FNDC3A: variants seen among roughly 807,000 people sequenced by gnomAD.
FNDC3A encodes the protein fibronectin type-III domain-containing protein 3A.
Under a neutral mutation model 148.9 loss-of-function variants are expected in FNDC3A, and 32 were observed. The observed-to-expected ratio is 0.21, with a 90% CI of 0.16 to 0.29. FNDC3A has a LOEUF of 0.29. Among genes scored for constraint, FNDC3A ranks in the 10% least tolerant of loss-of-function variants. FNDC3A has a pLI of 1.00. For synonymous variants in FNDC3A, 472 were observed against 473.6 expected (o/e 1.00, Z 0.04); for missense variants, 1,191 against 1,452.8 (o/e 0.82, Z 2.93).
chr13:48,985,239 A>G (rs935535867), intron 1 of FNDC3A, among the ~76,000 whole-genome samples: 4 of 152,222 alleles, frequency 2.6e-5, no homozygotes, highest in African/African-American at 4.8e-5. Flanking sequence ...GAATGTAAGC[A>G]GGAAATTTAT....
intron 2 of FNDC3A, among the ~76,000 whole-genome samples, chr13:49,074,384 CT>C (rs1877953165): frequency 6.6e-6 from 1 of 152,024 alleles, no homozygotes; most frequent in South Asian, 2.1e-4. Flanking sequence ...TAGTAAAACT[CT>C]TTTAAAAAGC....
At chr13:49,053,713 T>C (rs1876021258) in intron 2 of FNDC3A, among the ~76,000 whole-genome samples, 1 of 152,126 alleles carries the variant, frequency 6.6e-6, no homozygotes, top group African/African-American at 2.4e-5. Flanking sequence ...TCTTATTATG[T>C]AGATGACGTC....
At chr13:49,083,011 AT>A (rs1878580310) in intron 3 of FNDC3A, among the ~76,000 whole-genome samples, 1 of 152,132 alleles carries the variant, frequency 6.6e-6, no homozygotes, top group Non-Finnish European at 1.5e-5. Flanking sequence ...CTGGGGATGT[AT>A]TAGAGTGAAG....
intron 2 of FNDC3A, among the ~76,000 whole-genome samples, chr13:49,015,363 A>T (rs962549480): frequency 1.4e-4 from 21 of 152,178 alleles, no homozygotes; most frequent in African/African-American, 2.9e-4. Flanking sequence ...TTGAAGCAAT[A>T]GTGAATGGGA....
intron 2 of FNDC3A, among the ~76,000 whole-genome samples, chr13:49,017,973 T>C (rs1872952922): frequency 6.6e-6 from 1 of 152,250 alleles, no homozygotes; most frequent in Non-Finnish European, 1.5e-5. Flanking sequence ...AGAGATCCGC[T>C]GGTAGTCTGA....
Position 49,186,103 on chromosome 13 carries a change from G to T in FNDC3A, c.1756+1G>T. On this transcript the variant is annotated splice_donor_variant, in intron 15 of 25. Coordinates refer to ENST00000492622, the MANE Select transcript of FNDC3A (RefSeq NM_001079673.2). LOFTEE classifies it high-confidence loss of function. Reference sequence around the variant, plus strand: ...TCACACAGTTTTAAAATAACCTGGGGTAAGATATTATGCATGTTTATACAT... The same window carrying T: ...TCACACAGTTTTAAAATAACCTGGGTTAAGATATTATGCATGTTTATACAT... 2 of 1,606,582 alleles carry T rather than the reference G, an allele frequency of 1.2e-6. No homozygotes were observed. Among genetic ancestry groups the T allele is most frequent in the Non-Finnish European group, 1.7e-6 (2 of 1,174,546 alleles).
intron 3 of FNDC3A, among the ~76,000 whole-genome samples, chr13:49,100,469 T>C (rs935295427): frequency 6.6e-6 from 1 of 152,124 alleles, no homozygotes; most frequent in African/African-American, 2.4e-5. Flanking sequence ...CCCTTTTCCA[T>C]AGATGTAGGG....
chr13:49,038,722 G>C (rs905586513), intron 2 of FNDC3A, among the ~76,000 whole-genome samples: 1 of 152,186 alleles, frequency 6.6e-6, no homozygotes, highest in Non-Finnish European at 1.5e-5. Context: ...CCAAGTTTTA[G>C]AAGTAGAGAT....
At chr13:49,107,501 A>T (rs1233963050) in intron 3 of FNDC3A, among the ~76,000 whole-genome samples, 3 of 152,204 alleles carry the variant, frequency 2.0e-5, no homozygotes, top group Non-Finnish European at 2.9e-5. Context: ...ATGACCAGTG[A>T]AGCCAAGTCC....
chr13:49,194,925 A>T (rs1366687959), intron 19 of FNDC3A, among the ~76,000 whole-genome samples: 1 of 152,158 alleles, frequency 6.6e-6, no homozygotes, highest in Non-Finnish European at 1.5e-5. Flanking sequence ...TCTTCTGTTT[A>T]TAAAATGCAA....
At chr13:49,159,212 G>A (rs1883926711) in intron 8 of FNDC3A, among the ~76,000 whole-genome samples, 1 of 152,180 alleles carries the variant, frequency 6.6e-6, no homozygotes, top group South Asian at 2.1e-4. Context: ...ACCTTGGGCA[G>A]TATGGCCATT....
At chr13:49,027,398 G>A (rs1481291241) in intron 2 of FNDC3A, among the ~76,000 whole-genome samples, 2 of 152,172 alleles carry the variant, frequency 1.3e-5, no homozygotes, top group Non-Finnish European at 2.9e-5. Flanking sequence ...AGACAGTTGA[G>A]TAGATACGAA....
intron 3 of FNDC3A, among the ~76,000 whole-genome samples, chr13:49,099,839 G>C (rs1031499815): frequency 6.6e-6 from 1 of 152,078 alleles, no homozygotes; most frequent in African/African-American, 2.4e-5. Context: ...CCACTTAGCA[G>C]ATATGCTCCC....
chr13:49,023,438 A>G (rs1455405856), intron 2 of FNDC3A, among the ~76,000 whole-genome samples: 2 of 151,598 alleles, frequency 1.3e-5, no homozygotes, highest in East Asian at 3.9e-4. Flanking sequence ...TACTATCTTA[A>G]TATATATTTT....
chr13:49,099,586 TC>T (rs1566249096), intron 3 of FNDC3A, among the ~76,000 whole-genome samples: 1 of 152,170 alleles, frequency 6.6e-6, no homozygotes, highest in African/African-American at 2.4e-5. Flanking sequence ...ATGATTTTTA[TC>T]ACTTATTGTA....
intron 3 of FNDC3A, 31 bp from the exon 4 acceptor site, chr13:49,114,624 G>A: frequency 6.8e-7 from 1 of 1,479,170 alleles, no homozygotes; most frequent in Non-Finnish European, 9.5e-7. Flanking sequence ...AGCAATCATG[G>A]GTTAATACAT....
intron 2 of FNDC3A, among the ~76,000 whole-genome samples, chr13:49,072,079 A>G (rs957986279): frequency 1.1e-4 from 17 of 152,202 alleles, no homozygotes; most frequent in African/African-American, 3.4e-4. Context: ...CTTAAACAAA[A>G]AAATATTTGC....
chr13:49,093,840 A>G (rs935515226), intron 3 of FNDC3A, among the ~76,000 whole-genome samples: 4 of 152,196 alleles, frequency 2.6e-5, no homozygotes, highest in African/African-American at 9.6e-5. Flanking sequence ...TCTCTATCAA[A>G]AAGTGCCATT....
chr13:49,088,103 A>G (rs1009956277), intron 3 of FNDC3A, among the ~76,000 whole-genome samples: 2 of 152,118 alleles, frequency 1.3e-5, no homozygotes, highest in African/African-American at 4.8e-5. Context: ...ATCTTTATGG[A>G]CCATTGCAAA....
Sources: allele counts gnomAD v4.1 joint callset (sites outside exome capture counted in the v4.1 genomes callset), GRCh38; gene constraint gnomAD v4.1.1; transcripts MANE v1.5; gene names NCBI Gene and HGNC (gene_info 2026-07-23, HGNC 2026-07-21).